The following PCDHGA8 variants were observed in gnomAD, a reference collection of about 807,000 sequenced individuals.
PCDHGA8 encodes the protein protocadherin gamma-A8.
Under a neutral mutation model 59.2 loss-of-function variants are expected in PCDHGA8, and 45 were observed. The observed-to-expected ratio is 0.76, with a 90% CI of 0.60 to 0.98. The LOEUF (loss-of-function observed/expected upper bound fraction) is 0.98. Among genes scored for constraint, PCDHGA8 ranks in the 50% least tolerant of loss-of-function variants. PCDHGA8 has a pLI of 0.00. For missense variants in PCDHGA8, 1,257 were observed against 1,196.2 expected (o/e 1.05, Z -0.75); for synonymous variants, 531 against 519.0 (o/e 1.02, Z -0.32).
intron 1 of PCDHGA8, chr5:141,422,932 C>G: frequency 6.2e-7 from 1 of 1,614,252 alleles, no homozygotes; most frequent in Non-Finnish European, 8.5e-7. Context: ...CCCTGCCCTC[C>G]CCACAGACGG....
chr5:141,401,830 T>C (rs950842785), intron 1 of PCDHGA8, among the ~76,000 whole-genome samples: 4 of 152,216 alleles, frequency 2.6e-5, no homozygotes, highest in Admixed American at 1.3e-4. Context: ...TGCTGAGATT[T>C]CTTATAATAC....
rs1299607088 is a variant in PCDHGA8 at position 141,472,933 on chromosome 5, C to T, written c.2425-21874C>T. ...CCCAAGAGGAGGAGGTTGTGGTGAG[C>T]CAAGATTATGCCATTGCACTCCAGC... On this transcript the variant is annotated intron_variant, in intron 1 of 3. Coordinates refer to ENST00000398604, the MANE Select transcript of PCDHGA8 (RefSeq NM_032088.2). Among the ~76,000 whole-genome samples, 4 of 143,758 alleles carry T rather than the reference C, an allele frequency of 2.8e-5. No individual in the cohort carries two copies. In the Admixed American group the frequency reaches 2.9e-4, roughly 10 times the overall value. 94.3% of individuals were successfully genotyped at this position (143,758 alleles called of 152,430 possible). A position where few individuals can be genotyped will look rare whatever the true frequency, so the allele number is the denominator to read the frequency against.
intron 1 of PCDHGA8, among the ~76,000 whole-genome samples, chr5:141,462,448 G>A (rs1435453503): frequency 6.6e-6 from 1 of 152,022 alleles, no homozygotes; most frequent in Non-Finnish European, 1.5e-5. Context: ...ACACAACTGT[G>A]TAACTGAAAA....
chr5:141,467,811 A>T (rs562932160), intron 1 of PCDHGA8, among the ~76,000 whole-genome samples: 1 of 152,164 alleles, frequency 6.6e-6, no homozygotes, highest in African/African-American at 2.4e-5. Flanking sequence ...GGCACATGCC[A>T]CCACACCAGG....
At chr5:141,410,527 C>T (rs1398639610) in intron 1 of PCDHGA8, 1 of 1,613,920 alleles carries the variant, frequency 6.2e-7, no homozygotes, top group East Asian at 2.2e-5. Context: ...CCCTACATTC[C>T]AATGAAGACA....
intron 1 of PCDHGA8, chr5:141,405,042 T>C (rs765018710): frequency 1.2e-6 from 2 of 1,613,144 alleles, no homozygotes; most frequent in South Asian, 1.1e-5. Flanking sequence ...GTTGTGGCTG[T>C]GGCAGTCGTC....
intron 1 of PCDHGA8, chr5:141,420,333 A>G (rs778366534): frequency 2.1e-6 from 3 of 1,402,720 alleles, no homozygotes; most frequent in Non-Finnish European, 2.9e-6. Flanking sequence ...ATATATTCCA[A>G]TATAGTGGTA....
chr5:141,400,302 T>C (rs7701363), intron 1 of PCDHGA8: 17,655 of 1,614,082 alleles, frequency 0.011, 144 homozygotes, highest in Admixed American at 0.034. Flanking sequence ...GCTTCCAACC[T>C]GGTCTCTGTG....
rs1177173734 is a variant in PCDHGA8, at chr5:141,491,741, G to A, written c.2425-3066G>A. ...CCGCCCCGGGCGACCCCTGGGGGCG[G>A]CACTGGAGAAGCCGCCCGTCCTCAT... On this transcript the variant is annotated intron_variant, in intron 1 of 3. Coordinates refer to ENST00000398604, the MANE Select transcript of PCDHGA8 (RefSeq NM_032088.2). The surrounding 1 kb of genome is among the most constrained non-coding windows in gnomAD (Gnocchi z 6.9). 1.9e-6 allele frequency: 3 copies of A among 1,595,644 alleles called. No homozygotes were observed. In the South Asian group the frequency reaches 3.4e-5, roughly 18 times the overall value.
At position 141,463,610 on chromosome 5, in the gene PCDHGA8, G is replaced by T. The variant is rs189991450; in HGVS notation, c.2425-31197G>T. Among the ~76,000 whole-genome samples, 263 of 151,786 alleles carry T rather than the reference G, an allele frequency of 1.7e-3. 1 individual carries two copies. The highest frequency in any genetic ancestry group is 3.4e-3 in the Middle Eastern group (1 of 292). ...ACTACAGGTGCCTGCCACCATGCCC[G>T]GCTAATTTTTTGTATTTTGTTTAGT... On this transcript the variant is annotated intron_variant, in intron 1 of 3. Transcript: ENST00000398604.
chr5:141,404,683 GGCACCCCGCTCT>G (rs1306876302), intron 1 of PCDHGA8: 2 of 1,614,070 alleles, frequency 1.2e-6, no homozygotes, highest in Admixed American at 1.7e-5. Context: ...GTGTGGAGCT[GGCACCCCGCTCT>G]GCAGAGCCTG....
rs1289513674 is a variant in PCDHGA8 at position 141,432,063 on chromosome 5, A to T, written c.2424+36826A>T. On this transcript the variant is annotated intron_variant, in intron 1 of 3. Coordinates refer to ENST00000398604, the MANE Select transcript of PCDHGA8 (RefSeq NM_032088.2). The surrounding 1 kb of genome is among the most constrained non-coding windows in gnomAD (Gnocchi z 6.0). ...CGGGGAACCCCGCCCCTATCCACGG[A>T]AACTCATATCTCGCTGAACGTGGCA... The T allele has an allele frequency of 8.7e-6, 14 of 1,614,134 alleles. No individual in the cohort carries two copies. The highest frequency in any genetic ancestry group is 1.2e-5 in the Non-Finnish European group (14 of 1,180,028).
In PCDHGA8 at chr5:141,490,000, A is replaced by G. The variant is rs762999106; in HGVS notation, c.2425-4807A>G. The G allele has an allele frequency of 6.2e-7, 1 of 1,614,198 alleles. No individual in the cohort carries two copies. Among genetic ancestry groups the G allele is most frequent in the Admixed American group, 1.7e-5 (1 of 60,032 alleles). ...AGTTCTACGTGTGGGAATCCCAGAG[A>G]ATGCACCCATTGGTACTCTGCTGCT... On this transcript the variant is annotated intron_variant, in intron 1 of 3. Coordinates refer to ENST00000398604, the MANE Select transcript of PCDHGA8 (RefSeq NM_032088.2). The surrounding 1 kb of genome is among the most constrained non-coding windows in gnomAD (Gnocchi z 4.5).
At chr5:141,395,375 G>A (rs761076022) in intron 1 of PCDHGA8, 138 bp downstream of exon 1, 34 of 1,180,184 alleles carry the variant, frequency 2.9e-5, no homozygotes, top group Non-Finnish European at 3.3e-5. Flanking sequence ...TTTTGGTGGT[G>A]TTACTATAAA....
Position 141,393,893 on chromosome 5 carries a change from T to C in PCDHGA8, c.1080T>C (p.Ser360=), listed in dbSNP as rs761049644. 7 of 1,614,034 alleles carry C rather than the reference T, an allele frequency of 4.3e-6. No individual in the cohort carries two copies. Among genetic ancestry groups the C allele is most frequent in the Non-Finnish European group, 5.1e-6 (6 of 1,179,888 alleles). The change falls in exon 1 of 4, where the codon TCT becomes TCC. Residue 360 remains serine, a synonymous_variant. Transcript: ENST00000398604. ...TGTTTAGCCCAGTGTTAGAAAATTCTCTTCCCGGGACAGTAATTGCCTTCT... is the reference window on the plus strand; with the variant it reads ...TGTTTAGCCCAGTGTTAGAAAATTCCCTTCCCGGGACAGTAATTGCCTTCT... ...TSLFSPVLEN[S]LPGTVIAFLS...
intron 1 of PCDHGA8, among the ~76,000 whole-genome samples, chr5:141,473,366 A>T (rs1292258135): frequency 1.3e-5 from 2 of 152,202 alleles, no homozygotes; most frequent in Non-Finnish European, 2.9e-5. Context: ...GGCCACCAAA[A>T]TAGCATGGTC....
At position 141,394,163 on chromosome 5, in the gene PCDHGA8, T is replaced by C. The variant is rs1207627975; in HGVS notation, c.1350T>C (p.Pro450=). ...TGGCAGACATTAACGACAACCCTCCTACTTTCCCTCATGCCTCCTACTCAG... is the reference window on the plus strand; with the variant it reads ...TGGCAGACATTAACGACAACCCTCCCACTTTCCCTCATGCCTCCTACTCAG... ...LHVADINDNP[P]TFPHASYSAY... Residue 450 remains proline (P), a synonymous_variant, in exon 1 of 4, where the codon CCT becomes CCC. Transcript: ENST00000398604. 6 of 1,613,782 alleles carry C rather than the reference T, an allele frequency of 3.7e-6. No homozygotes were observed. The highest frequency in any genetic ancestry group is 5.1e-6 in the Non-Finnish European group (6 of 1,179,878).
chr5:141,506,516 G>A (rs2099854579), intron 3 of PCDHGA8, among the ~76,000 whole-genome samples: 1 of 151,324 alleles, frequency 6.6e-6, no homozygotes, highest in Non-Finnish European at 1.5e-5. Flanking sequence ...CTGGCACCTG[G>A]CACCACCACT....
Position 141,491,722 on chromosome 5 carries a change from C to G in PCDHGA8, c.2425-3085C>G, listed in dbSNP as rs1276921909. ...CCAGGTGAGGGGCTCGGCGCCGCCC[C>G]GGGCGACCCCTGGGGGCGGCACTGG... On this transcript the variant is annotated intron_variant, in intron 1 of 3. Transcript: ENST00000398604. This position sits in a 1 kb window ranked among gnomAD's most constrained non-coding sequence, Gnocchi z 6.9. 2 of 1,607,004 alleles carry G rather than the reference C, an allele frequency of 1.2e-6. No homozygotes were observed. The highest frequency in any genetic ancestry group is 1.7e-5 in the Admixed American group (1 of 58,788).
Sources: gnomAD v4.1 joint callset for allele counts (sites outside exome capture counted in the v4.1 genomes callset) on GRCh38, gnomAD v4.1.1 for gene constraint, Gnocchi (gnomAD v3.1) non-coding constraint, MANE v1.5 for transcripts, NCBI Gene and HGNC (gene_info 2026-07-23, HGNC 2026-07-21) for gene names.